The following H2BC3 variants were observed in gnomAD, a reference collection of about 807,000 sequenced individuals.
H2BC3 encodes H2B clustered histone 3.
A neutral mutation model predicts 6.0 loss-of-function variants in H2BC3; 8 were observed. That is an observed-to-expected ratio of 1.33 (90% CI 0.78 to 2.40). The LOEUF (loss-of-function observed/expected upper bound fraction) is 2.40. H2BC3 is among the 30% of genes most tolerant of loss of function. The probability of loss-of-function intolerance (pLI) is 0.00; values close to 1 mark genes in which losing one functional copy is unlikely to be tolerated. For synonymous variants in H2BC3, 122 were observed against 66.2 expected, an observed-to-expected ratio of 1.84 and a Z score of -4.09; for missense variants, 222 against 163.2, an observed-to-expected ratio of 1.36 and a Z score of -1.96.
In H2BC3 at chr6:26,043,243, G is replaced by C; in HGVS notation, c.*34C>G. On this transcript the variant is annotated 3_prime_UTR_variant, in exon 1 of 1. Coordinates refer to ENST00000615966, the MANE Select transcript of H2BC3 (RefSeq NM_021062.3). ...GTGACAAAGTAGGTGGCTCTGAAAA[G>C]AGCCTTTGGGTTTGGAAGTGCTTAC... 2 of 1,534,196 alleles carry C rather than the reference G, an allele frequency of 1.3e-6. No individual in the cohort carries two copies. The highest frequency in any genetic ancestry group is 4.3e-5 in the Admixed American group (2 of 46,030).
In H2BC3 at chr6:26,043,676, T is replaced by A. The variant is rs769755321; in HGVS notation, c.-19A>T. On this transcript the variant is annotated 5_prime_UTR_variant, in exon 1 of 1. Coordinates refer to ENST00000615966, the MANE Select transcript of H2BC3 (RefSeq NM_021062.3). ...CAGGCATTGCTATTCCTAAACAGAA[T>A]AGAAAAGCTACTAACACTCTCCACT... 2.6e-6 allele frequency: 4 copies of A among 1,561,218 alleles called. No homozygotes were observed. The highest frequency in any genetic ancestry group is 4.0e-5 in the Admixed American group (2 of 50,030).
rs762446793 is a variant in H2BC3, at chr6:26,043,499, G to C, written c.159C>G (p.Thr53=). 1.2e-6 allele frequency: 2 copies of C among 1,614,178 alleles called. No individual in the cohort carries two copies. Among genetic ancestry groups the C allele is most frequent in the African/African-American group, 1.3e-5 (1 of 75,056 alleles). Residue 53 remains threonine (T), a synonymous_variant, in exon 1 of 1, where the codon ACC becomes ACG. Coordinates refer to ENST00000615966, the MANE Select transcript of H2BC3 (RefSeq NM_021062.3). ...YKVLKQVHPD[T]GISSKAMGIM... ...TCCCCATGGCCTTGGATGAGATGCC[G>C]GTGTCGGGGTGGACCTGCTTCAGAA...
At position 26,043,590 on chromosome 6, in the gene H2BC3, T is replaced by G. The variant is rs1237492466; in HGVS notation, c.68A>C (p.Gln23Pro). 6.2e-7 allele frequency: 1 copy of G among 1,614,142 alleles called. No homozygotes were observed. Residue 23 changes from glutamine to proline, a missense_variant, in exon 1 of 1, where the codon CAG becomes CCG. By Grantham distance (76) the Gln-to-Pro change is moderately conservative. Coordinates refer to ENST00000615966, the MANE Select transcript of H2BC3 (RefSeq NM_021062.3). ...CTTACGCTTCTTACCATCCTTCTTCTGCGCCTTAGTGATAGCCTTCTTAGA... is the reference window on the plus strand; with the variant it reads ...CTTACGCTTCTTACCATCCTTCTTCGGCGCCTTAGTGATAGCCTTCTTAGA... ...KGSKKAITKAQKKDGKKRKRS... is the reference protein window; with the variant it reads ...KGSKKAITKAPKKDGKKRKRS...
At position 26,043,607 on chromosome 6, in the gene H2BC3, C is replaced by A; in HGVS notation, c.51G>T (p.Lys17Asn). Residue 17 changes from lysine (K) to asparagine (N), a missense_variant, in exon 1 of 1, where the codon AAG (lysine) becomes AAT (asparagine). Physicochemically the swap from Lys to Asn is moderately conservative, Grantham distance 94. Coordinates refer to ENST00000615966, the MANE Select transcript of H2BC3 (RefSeq NM_021062.3). The part of the protein sequence containing the change: ...SAPAPKKGSK[K>N]AITKAQKKDG... ...CCTTCTTCTGCGCCTTAGTGATAGC[C>A]TTCTTAGAACCCTTTTTAGGGGCTG... 1 of 1,613,500 alleles carries A rather than the reference C, an allele frequency of 6.2e-7. No individual in the cohort carries two copies. Among genetic ancestry groups the A allele is most frequent in the Non-Finnish European group, 8.5e-7 (1 of 1,179,728 alleles).
rs1283594310 is a variant in H2BC3 at position 26,043,331 on chromosome 6, C to A, written c.327G>T (p.Lys109Asn). The change falls in exon 1 of 1, where the codon AAG becomes AAT. Residue 109 changes from lysine (K) to asparagine (N), a missense_variant. Transcript: ENST00000615966. ...CCTTAGTGCCCTCGGACACAGCATG[C>A]TTAGCCAGCTCCCCAGGCAGCAGCA... ...VRLLLPGELA[K>N]HAVSEGTKAV... 6.2e-7 allele frequency: 1 copy of A among 1,613,840 alleles called. No homozygotes were observed. Among genetic ancestry groups the A allele is most frequent in the Non-Finnish European group, 8.5e-7 (1 of 1,179,936 alleles).
Position 26,043,494 on chromosome 6 carries a change from A to C in H2BC3, c.164T>G (p.Ile55Ser). Reference sequence around the variant, plus strand: ...CATGATCCCCATGGCCTTGGATGAGATGCCGGTGTCGGGGTGGACCTGCTT... The same window carrying C: ...CATGATCCCCATGGCCTTGGATGAGCTGCCGGTGTCGGGGTGGACCTGCTT... ...VLKQVHPDTG[I>S]SSKAMGIMNS... Residue 55 changes from isoleucine (I) to serine (S), a missense_variant, in exon 1 of 1, where the codon ATC (isoleucine) becomes AGC (serine). Physicochemically the swap from Ile to Ser is moderately radical, Grantham distance 142. Coordinates refer to ENST00000615966, the MANE Select transcript of H2BC3 (RefSeq NM_021062.3). 3 of 1,614,212 alleles carry C rather than the reference A, an allele frequency of 1.9e-6. No individual in the cohort carries two copies. Among genetic ancestry groups the C allele is most frequent in the Admixed American group, 1.7e-5 (1 of 60,032 alleles).
In H2BC3 at chr6:26,043,237, T is replaced by C. The variant is rs199575500; in HGVS notation, c.*40A>G. The C allele has an allele frequency of 1.2e-5, 18 of 1,527,822 alleles. No individual in the cohort carries two copies. The highest frequency in any genetic ancestry group is 1.4e-5 in the Non-Finnish European group (16 of 1,140,204). The allele number at this position is 1,527,822 out of a possible 1,614,324, so 94.6% of individuals were successfully genotyped here. On this transcript the variant is annotated 3_prime_UTR_variant, in exon 1 of 1. Transcript: ENST00000615966. ...CTCCTTGTGACAAAGTAGGTGGCTC[T>C]GAAAAGAGCCTTTGGGTTTGGAAGT...
chr6:26,043,521 A>C lies in H2BC3; in HGVS notation c.137T>G (p.Leu46Arg). Residue 46 changes from leucine to arginine, a missense_variant, in exon 1 of 1, where the codon CTG becomes CGG. Leu to Arg is a moderately radical substitution (Grantham distance 102, BLOSUM62 -2). Coordinates refer to ENST00000615966, the MANE Select transcript of H2BC3 (RefSeq NM_021062.3). ...ESYSIYVYKV[L>R]KQVHPDTGIS... ...GCCGGTGTCGGGGTGGACCTGCTTC[A>C]GAACCTTGTACACATAGATAGAATA... 1 of 1,614,224 alleles carries C rather than the reference A, an allele frequency of 6.2e-7. No homozygotes were observed. The highest frequency in any genetic ancestry group is 1.7e-5 in the Admixed American group (1 of 60,028).
At position 26,043,442 on chromosome 6, in the gene H2BC3, C is replaced by T. The variant is rs762465445; in HGVS notation, c.216G>A (p.Glu72=). Residue 72 remains glutamate, a synonymous_variant, in exon 1 of 1, where the codon GAG becomes GAA. Transcript: ENST00000615966. Reference sequence around the variant, plus strand: ...GGCGAGAAGCCTCGCCCGCGATGCGCTCGAAGATGTCGTTGACGAAGGAAT... The same window carrying T: ...GGCGAGAAGCCTCGCCCGCGATGCGTTCGAAGATGTCGTTGACGAAGGAAT... The part of the protein sequence containing the change: ...IMNSFVNDIF[E]RIAGEASRLA... 1.7e-5 allele frequency: 27 copies of T among 1,614,082 alleles called. No individual in the cohort carries two copies. Among genetic ancestry groups the T allele is most frequent in the African/African-American group, 2.7e-5 (2 of 74,936 alleles).
chr6:26,043,705 G>T lies in H2BC3; in HGVS notation c.-48C>A. 1 of 1,513,286 alleles carries T rather than the reference G, an allele frequency of 6.6e-7. No individual in the cohort carries two copies. Among genetic ancestry groups the T allele is most frequent in the Non-Finnish European group, 8.9e-7 (1 of 1,129,328 alleles). 93.7% of individuals were successfully genotyped at this position (1,513,286 alleles called of 1,614,324 possible). On this transcript the variant is annotated 5_prime_UTR_variant, in exon 1 of 1. The change creates a new upstream start codon in the 5' untranslated region. Coordinates refer to ENST00000615966, the MANE Select transcript of H2BC3 (RefSeq NM_021062.3). ...AAAGCTACTAACACTCTCCACTACA[G>T]AGTAGTACAGAGAACAGTTCAGAGC...
rs1390093252 is a variant in H2BC3 at position 26,043,544 on chromosome 6, A to C, written c.114T>G (p.Tyr38Ter). ...TCAGAACCTTGTACACATAGATAGA[A>C]TAGCTCTCCTTGCGGCTGCGCTTAC... Reference protein sequence around the residue: ...KKRKRSRKESYSIYVYKVLKQ... With the variant: ...KKRKRSRKES The change falls in exon 1 of 1, where the codon TAT (tyrosine) becomes TAG (stop). Residue 38 changes from tyrosine (Y) to a stop codon, truncating the protein, a stop_gained. Coordinates refer to ENST00000615966, the MANE Select transcript of H2BC3 (RefSeq NM_021062.3). LOFTEE classifies it high-confidence loss of function. The C allele has an allele frequency of 6.2e-7, 1 of 1,614,196 alleles. No homozygotes were observed. Among genetic ancestry groups the C allele is most frequent in the South Asian group, 1.1e-5 (1 of 91,086 alleles).
rs764661719 is a variant in H2BC3, at chr6:26,043,599, G to A, written c.59C>T (p.Thr20Ile). The A allele has an allele frequency of 1.2e-6, 2 of 1,613,878 alleles. No individual in the cohort carries two copies. The highest frequency in any genetic ancestry group is 1.3e-5 in the African/African-American group (1 of 74,912). Residue 20 changes from threonine (T) to isoleucine (I), a missense_variant, in exon 1 of 1, where the codon ACT (threonine) becomes ATT (isoleucine). Thr to Ile is a moderately conservative substitution (Grantham distance 89, BLOSUM62 -1). Transcript: ENST00000615966. The stretch of plus-strand genomic sequence containing the variant: ...CTTACCATCCTTCTTCTGCGCCTTA[G>A]TGATAGCCTTCTTAGAACCCTTTTT... ...APKKGSKKAI[T>I]KAQKKDGKKR...
chr6:26,043,439 G>A lies in H2BC3; in HGVS notation c.219C>T (p.Arg73=). 1.2e-6 allele frequency: 2 copies of A among 1,614,192 alleles called. No individual in the cohort carries two copies. The highest frequency in any genetic ancestry group is 1.7e-6 in the Non-Finnish European group (2 of 1,180,040). ...CCAGGCGAGAAGCCTCGCCCGCGAT[G>A]CGCTCGAAGATGTCGTTGACGAAGG... ...MNSFVNDIFE[R]IAGEASRLAH... is the part of the protein sequence containing the mutation. Residue 73 remains arginine, a synonymous_variant, in exon 1 of 1, where the codon CGC becomes CGT. Transcript: ENST00000615966.
rs776112468 is a variant in H2BC3 at position 26,043,419 on chromosome 6, C to A, written c.239G>T (p.Arg80Leu). ...IFERIAGEAS[R>L]LAHYNKRSTI... Reference sequence around the variant, plus strand: ...CGAGCGCTTATTGTAGTGAGCCAGGCGAGAAGCCTCGCCCGCGATGCGCTC... The same window carrying A: ...CGAGCGCTTATTGTAGTGAGCCAGGAGAGAAGCCTCGCCCGCGATGCGCTC... The change falls in exon 1 of 1, where the codon CGC becomes CTC. Residue 80 changes from arginine (R) to leucine (L), a missense_variant. Physicochemically the swap from Arg to Leu is moderately radical, Grantham distance 102. Transcript: ENST00000615966. The A allele has an allele frequency of 1.9e-6, 3 of 1,614,008 alleles. No homozygotes were observed. The highest frequency in any genetic ancestry group is 1.1e-5 in the South Asian group (1 of 91,090).
chr6:26,043,410 T>A lies in H2BC3; in HGVS notation c.248A>T (p.His83Leu). 1.2e-6 allele frequency: 2 copies of A among 1,614,200 alleles called. No homozygotes were observed. The highest frequency in any genetic ancestry group is 8.5e-7 in the Non-Finnish European group (1 of 1,180,034). The change falls in exon 1 of 1, where the codon CAC (histidine) becomes CTC (leucine). Residue 83 changes from histidine to leucine, a missense_variant. His to Leu is a moderately conservative substitution (Grantham distance 99, BLOSUM62 -3). Coordinates refer to ENST00000615966, the MANE Select transcript of H2BC3 (RefSeq NM_021062.3). The stretch of plus-strand genomic sequence containing the variant: ...GGTGATGGTCGAGCGCTTATTGTAG[T>A]GAGCCAGGCGAGAAGCCTCGCCCGC... ...RIAGEASRLA[H>L]YNKRSTITSR...
At position 26,043,629 on chromosome 6, in the gene H2BC3, G is replaced by A. The variant is rs778548350; in HGVS notation, c.29C>T (p.Ala10Val). 5 of 1,610,286 alleles carry A rather than the reference G, an allele frequency of 3.1e-6. No individual in the cohort carries two copies. The highest frequency in any genetic ancestry group is 2.2e-5 in the South Asian group (2 of 90,684). The part of the protein sequence containing the change: MPEPSKSAP[A>V]PKKGSKKAIT... ...AGCCTTCTTAGAACCCTTTTTAGGG[G>A]CTGGAGCAGACTTAGAGGGTTCAGG... Residue 10 changes from alanine (A) to valine (V), a missense_variant, in exon 1 of 1, where the codon GCC (alanine) becomes GTC (valine). Coordinates refer to ENST00000615966, the MANE Select transcript of H2BC3 (RefSeq NM_021062.3).
In H2BC3 at chr6:26,043,292, G is replaced by A. The variant is rs565518940; in HGVS notation, c.366C>T (p.Tyr122=). The stretch of plus-strand genomic sequence containing the variant: ...ACATAAGCACTTATTTAGAGCTAGT[G>A]TACTTGGTAACTGCCTTAGTGCCCT... ...VSEGTKAVTK[Y]TSSK The change falls in exon 1 of 1, where the codon TAC becomes TAT. Residue 122 remains tyrosine (Y), a synonymous_variant. Transcript: ENST00000615966. 13 of 1,607,776 alleles carry A rather than the reference G, an allele frequency of 8.1e-6. No individual in the cohort carries two copies. Among genetic ancestry groups the A allele is most frequent in the South Asian group, 2.2e-5 (2 of 90,518 alleles).
At position 26,043,550 on chromosome 6, in the gene H2BC3, C is replaced by T. The variant is rs747391525; in HGVS notation, c.108G>A (p.Glu36=). Residue 36 remains glutamate (E), a synonymous_variant, in exon 1 of 1, where the codon GAG becomes GAA. Coordinates refer to ENST00000615966, the MANE Select transcript of H2BC3 (RefSeq NM_021062.3). ...CCTTGTACACATAGATAGAATAGCTCTCCTTGCGGCTGCGCTTACGCTTCT... is the reference window on the plus strand; with the variant it reads ...CCTTGTACACATAGATAGAATAGCTTTCCTTGCGGCTGCGCTTACGCTTCT... The part of the protein sequence containing the change: ...DGKKRKRSRK[E]SYSIYVYKVL... The T allele has an allele frequency of 2.5e-6, 4 of 1,614,234 alleles. No individual in the cohort carries two copies. In the East Asian group the frequency reaches 6.7e-5, roughly 27 times the overall value.
At position 26,043,693 on chromosome 6, in the gene H2BC3, C is replaced by T. The variant is rs1201577649; in HGVS notation, c.-36G>A. ...AAACAGAATAGAAAAGCTACTAACACTCTCCACTACAGAGTAGTACAGAGA... is the reference window on the plus strand; with the variant it reads ...AAACAGAATAGAAAAGCTACTAACATTCTCCACTACAGAGTAGTACAGAGA... On this transcript the variant is annotated 5_prime_UTR_variant, in exon 1 of 1. The change creates a new upstream start codon in the 5' untranslated region. Coordinates refer to ENST00000615966, the MANE Select transcript of H2BC3 (RefSeq NM_021062.3). 2 of 1,544,692 alleles carry T rather than the reference C, an allele frequency of 1.3e-6. No individual in the cohort carries two copies. Among genetic ancestry groups the T allele is most frequent in the Non-Finnish European group, 1.7e-6 (2 of 1,149,306 alleles).
Sources: gnomAD v4.1 joint callset for allele counts on GRCh38, gnomAD v4.1.1 for gene constraint, MANE v1.5 for transcripts, NCBI Gene and HGNC (gene_info 2026-07-23, HGNC 2026-07-21) for gene names.